Variants in PCBP4 observed in about 807,000 individuals in gnomAD.
PCBP4 encodes poly(rC)-binding protein 4.
Under a neutral mutation model 46.2 loss-of-function variants are expected in PCBP4, and 24 were observed. The ratio of observed to expected loss-of-function variants is 0.52; its 90% CI spans 0.38 to 0.73. The LOEUF is 0.73. Ranked by LOEUF, PCBP4 falls within the 30% of genes least tolerant of loss-of-function variation. The probability of loss-of-function intolerance (pLI) is 0.00; values close to 1 mark genes in which losing one functional copy is unlikely to be tolerated. For missense variants in PCBP4, 407 were observed against 537.0 expected (o/e 0.76, Z 2.39); for synonymous variants, 203 against 224.4 (o/e 0.90, Z 0.85).
intron 1 of PCBP4, among the ~76,000 whole-genome samples, chr3:51,966,726 A>T (rs1230273662): frequency 1.3e-5 from 2 of 151,918 alleles, no homozygotes; most frequent in African/African-American, 4.8e-5. Flanking sequence ...GGGATAGGGG[A>T]GAGAGGAGGC....
chr3:51,965,084 G>A (rs1297957601), intron 1 of PCBP4, among the ~76,000 whole-genome samples: 1 of 152,220 alleles, frequency 6.6e-6, no homozygotes, highest in African/African-American at 2.4e-5. Context: ...CAGGAGAAAG[G>A]CCACAGCCTC....
Position 51,960,379 on chromosome 3 carries a change from CAGG to C in PCBP4, c.256-62_256-60del. On this transcript the variant is annotated intron_variant, in intron 6 of 13. Transcript: ENST00000461554. The surrounding 1 kb of genome is among the most constrained non-coding windows in gnomAD (Gnocchi z 5.0). ...GTCCCTGCTATATCTGCCCAGGGGT[CAGG>C]AGGGTACCCTTTCCCCAGTCCCACT... The C allele has an allele frequency of 4.4e-6, 7 of 1,590,222 alleles. No individual in the cohort carries two copies. Among genetic ancestry groups the C allele is most frequent in the Non-Finnish European group, 6.0e-6 (7 of 1,166,636 alleles).
intron 1 of PCBP4, among the ~76,000 whole-genome samples, chr3:51,966,911 C>T (rs1162272489): frequency 6.6e-6 from 1 of 152,072 alleles, no homozygotes; most frequent in Non-Finnish European, 1.5e-5. Flanking sequence ...CTCCATACAC[C>T]CCTGGCCTGG....
rs1577676968 is a variant in PCBP4 at position 51,959,446 on chromosome 3, G to C, written c.592-35C>G. The C allele has an allele frequency of 6.3e-7, 1 of 1,583,222 alleles. No individual in the cohort carries two copies. Among genetic ancestry groups the C allele is most frequent in the East Asian group, 2.3e-5 (1 of 44,212 alleles). ...CAAAGTGGATGAAAAGGGGGTTACT[G>C]TGACATTGCAGTTCAGCCAGAGTCA... On this transcript the variant is annotated intron_variant, in intron 9 of 13. Coordinates refer to ENST00000461554, the MANE Select transcript of PCBP4 (RefSeq NM_001174100.2). The surrounding 1 kb of genome is among the most constrained non-coding windows in gnomAD (Gnocchi z 5.6).
rs148008368 is a variant in PCBP4 at position 51,962,370 on chromosome 3, C to T, written c.-212-282G>A. On this transcript the variant is annotated intron_variant, in intron 1 of 13. Coordinates refer to ENST00000461554, the MANE Select transcript of PCBP4 (RefSeq NM_001174100.2). ...CCCCACCCGACCCTTTTTCATGCCCCGACTTAATCCTCAACCTTAATCCTG... is the reference window on the plus strand; with the variant it reads ...CCCCACCCGACCCTTTTTCATGCCCTGACTTAATCCTCAACCTTAATCCTG... Among the ~76,000 whole-genome samples the T allele has an allele frequency of 9.2e-5, 14 of 152,174 alleles. No homozygotes were observed. The East Asian group carries it at 9.7e-4, about 11-fold the overall frequency.
At position 51,960,911 on chromosome 3, in the gene PCBP4, C is replaced by T. The variant is rs201433749; in HGVS notation, c.106-13G>A. The stretch of plus-strand genomic sequence containing the variant: ...CAGTCTCGCCCTTCTGTGGGAGGTA[C>T]AAAACAGATAATCACTCTTAACTTA... On this transcript the variant is annotated splice_polypyrimidine_tract_variant and intron_variant, in intron 4 of 13. Transcript: ENST00000461554. This position sits in a 1 kb window ranked among gnomAD's most constrained non-coding sequence, Gnocchi z 5.0. 12 of 1,613,518 alleles carry T rather than the reference C, an allele frequency of 7.4e-6. No homozygotes were observed. Among genetic ancestry groups the T allele is most frequent in the African/African-American group, 1.3e-5 (1 of 74,494 alleles).
chr3:51,959,906 C>T lies in PCBP4; in HGVS notation c.505G>A (p.Val169Ile), dbSNP rs200621760. The change falls in exon 8 of 14, where the codon GTT (valine) becomes ATT (isoleucine). Residue 169 changes from valine (V) to isoleucine (I), a missense_variant. Transcript: ENST00000461554. This position sits in a 1 kb window ranked among gnomAD's most constrained non-coding sequence, Gnocchi z 5.6. Reference protein sequence around the residue: ...IILCVRQICAVILESPPKGAT... With the variant: ...IILCVRQICAIILESPPKGAT... ...CCCCAGGGCAGCACCTCCAGGATAA[C>T]AGCGCAGATCTGGCGCACACACAGG... The T allele has an allele frequency of 1.9e-6, 3 of 1,591,082 alleles. No individual in the cohort carries two copies. In the East Asian group the frequency reaches 6.7e-5, roughly 36 times the overall value.
At position 51,960,537 on chromosome 3, in the gene PCBP4, T is replaced by G; in HGVS notation, c.244A>C (p.Lys82Gln). Residue 82 changes from lysine (K) to glutamine (Q), a missense_variant, in exon 6 of 14, where the codon AAA becomes CAA. Lys to Gln is a moderately conservative substitution (Grantham distance 53). Transcript: ENST00000461554. This position sits in a 1 kb window ranked among gnomAD's most constrained non-coding sequence, Gnocchi z 5.0. The part of the protein sequence containing the change: ...VFHAVSMIAF[K>Q]LDEDLCAAPA... Reference sequence around the variant, plus strand: ...GGCCAGCCACGGACCTCATCCAGTTTGAAAGCAATCATGGAGACTGCATGG... The same window carrying G: ...GGCCAGCCACGGACCTCATCCAGTTGGAAAGCAATCATGGAGACTGCATGG... 1.2e-6 allele frequency: 2 copies of G among 1,613,388 alleles called. No individual in the cohort carries two copies. Among genetic ancestry groups the G allele is most frequent in the Non-Finnish European group, 1.7e-6 (2 of 1,179,326 alleles).
chr3:51,961,134 C>T (rs1395498553), intron 3 of PCBP4, 26 bp downstream of exon 3: 5 of 1,613,664 alleles, frequency 3.1e-6, no homozygotes, highest in Admixed American at 3.3e-5. Context: ...AGCCTTGCCT[C>T]GCCTGGCCCT....
chr3:51,966,724 G>A (rs567486301), intron 1 of PCBP4, among the ~76,000 whole-genome samples: 1 of 152,190 alleles, frequency 6.6e-6, no homozygotes, highest in African/African-American at 2.4e-5. Flanking sequence ...CAGGGATAGG[G>A]GAGAGAGGAG....
At chr3:51,964,406 A>G (rs2106767818) in intron 1 of PCBP4, among the ~76,000 whole-genome samples, 1 of 152,238 alleles carries the variant, frequency 6.6e-6, no homozygotes, top group East Asian at 1.9e-4. Context: ...CAGGCGATTC[A>G]AGTAGACTGG....
Position 51,958,852 on chromosome 3 carries a change from C to A in PCBP4, c.861G>T (p.Arg287=), listed in dbSNP as rs779420063. ...CCGGAGAGCCAGTGATGGTGACATG[C>A]CGCTCCCCAGCGCCCTCTGCTTGGT... ...IGNQAEGAGE[R]HVTITGSPVS... is the part of the protein sequence containing the mutation. The change falls in exon 13 of 14, where the codon CGG becomes CGT. Residue 287 remains arginine (R), a synonymous_variant. Coordinates refer to ENST00000461554, the MANE Select transcript of PCBP4 (RefSeq NM_001174100.2). The surrounding 1 kb of genome is among the most constrained non-coding windows in gnomAD (Gnocchi z 5.4). 1 of 1,613,948 alleles carries A rather than the reference C, an allele frequency of 6.2e-7. No individual in the cohort carries two copies. Among genetic ancestry groups the A allele is most frequent in the Non-Finnish European group, 8.5e-7 (1 of 1,179,948 alleles).
intron 1 of PCBP4, among the ~76,000 whole-genome samples, chr3:51,965,772 A>G (rs1461637968): frequency 1.3e-5 from 2 of 152,172 alleles, no homozygotes; most frequent in Non-Finnish European, 2.9e-5. Flanking sequence ...TTCCTTTCTC[A>G]GCATCCCCAG....
Position 51,957,740 on chromosome 3 carries a change from A to T in PCBP4, c.*321T>A. ...GGATGCAGTAGGCCAGGAAGCCCTAAGGGATGGGGAGTGCGTGAGTGACAC... is the reference window on the plus strand; with the variant it reads ...GGATGCAGTAGGCCAGGAAGCCCTATGGGATGGGGAGTGCGTGAGTGACAC... On this transcript the variant is annotated 3_prime_UTR_variant, in exon 14 of 14. Coordinates refer to ENST00000461554, the MANE Select transcript of PCBP4 (RefSeq NM_001174100.2). 4.9e-6 allele frequency: 1 copy of T among 204,542 alleles called. No individual in the cohort carries two copies. The highest frequency in any genetic ancestry group is 9.8e-6 in the Non-Finnish European group (1 of 102,310). The allele number at this position is 204,542 out of a possible 1,614,324, so 12.7% of individuals were successfully genotyped here. A position where few individuals can be genotyped will look rare whatever the true frequency, so the allele number is the denominator to read the frequency against.
At chr3:51,966,254 C>T (rs1700416458) in intron 1 of PCBP4, among the ~76,000 whole-genome samples, 1 of 152,124 alleles carries the variant, frequency 6.6e-6, no homozygotes. Flanking sequence ...GTGTGGGCTG[C>T]CTGCTCCCAG....
chr3:51,961,288 C>A lies in PCBP4; in HGVS notation c.-48G>T. On this transcript the variant is annotated 5_prime_UTR_variant, in exon 3 of 14. Transcript: ENST00000461554. ...ACAGCGACCTGCGAGTGTGTCCGCGCTGCAACCTGGCCGGCTCTGGCAGGG... is the reference window on the plus strand; with the variant it reads ...ACAGCGACCTGCGAGTGTGTCCGCGATGCAACCTGGCCGGCTCTGGCAGGG... 6.3e-7 allele frequency: 1 copy of A among 1,589,728 alleles called. No individual in the cohort carries two copies. The highest frequency in any genetic ancestry group is 2.3e-5 in the East Asian group (1 of 44,004).
chr3:51,960,787 T>C lies in PCBP4; in HGVS notation c.138+79A>G. ...GACTCACTGGTCAGCCCAGAAGGAG[T>C]GGTTCAGAGAGAAAGTGGGGCAGGG... On this transcript the variant is annotated intron_variant, in intron 5 of 13. Coordinates refer to ENST00000461554, the MANE Select transcript of PCBP4 (RefSeq NM_001174100.2). This position sits in a 1 kb window ranked among gnomAD's most constrained non-coding sequence, Gnocchi z 5.0. The C allele has an allele frequency of 1.3e-6, 2 of 1,540,824 alleles. No homozygotes were observed. Among genetic ancestry groups the C allele is most frequent in the Non-Finnish European group, 9.0e-7 (1 of 1,114,044 alleles).
Position 51,960,707 on chromosome 3 carries a change from TG to T in PCBP4, c.139-66del, listed in dbSNP as rs969501103. The T allele has an allele frequency of 4.7e-6, 7 of 1,490,478 alleles. No homozygotes were observed. In the African/African-American group the frequency reaches 9.7e-5, roughly 21 times the overall value. The allele number at this position is 1,490,478 out of a possible 1,614,324, so 92.3% of individuals were successfully genotyped here. On this transcript the variant is annotated intron_variant, in intron 5 of 13. Transcript: ENST00000461554. This position sits in a 1 kb window ranked among gnomAD's most constrained non-coding sequence, Gnocchi z 5.0. The stretch of plus-strand genomic sequence containing the variant: ...CCCTGCTCCCTTGCCGGAACTTGTC[TG>T]CCTGCCCCACTCACCAGGCCTGAGG...
Position 51,960,150 on chromosome 3 carries a change from G to A in PCBP4, c.387+39C>T. ...ACACCCCTCTTACAACTGCTCCCTT[G>A]CCCCGGATTCCCTGTGGGTGGTATA... On this transcript the variant is annotated intron_variant, in intron 7 of 13. Transcript: ENST00000461554. The surrounding 1 kb of genome is among the most constrained non-coding windows in gnomAD (Gnocchi z 5.0). The A allele has an allele frequency of 1.9e-6, 3 of 1,614,108 alleles. No homozygotes were observed. Among genetic ancestry groups the A allele is most frequent in the Non-Finnish European group, 1.7e-6 (2 of 1,180,004 alleles).
Sources: gnomAD v4.1 joint callset for allele counts (sites outside exome capture counted in the v4.1 genomes callset) on GRCh38, gnomAD v4.1.1 for gene constraint, Gnocchi (gnomAD v3.1) non-coding constraint, MANE v1.5 for transcripts, NCBI Gene and HGNC (gene_info 2026-07-23, HGNC 2026-07-21) for gene names.